Variants in FAP observed in about 807,000 individuals in gnomAD.
FAP encodes the protein fibroblast activation protein alpha.
In FAP, 110 loss-of-function variants were observed where a neutral mutation model predicts 126.5. The ratio of observed to expected loss-of-function variants is 0.87; its 90% CI spans 0.74 to 1.02. FAP has a LOEUF of 1.02. Among genes scored for constraint, FAP ranks in the 50% least tolerant of loss-of-function variants. The probability of loss-of-function intolerance (pLI) is 0.00; values close to 1 mark genes in which losing one functional copy is unlikely to be tolerated. For synonymous variants in FAP, 334 were observed against 297.3 expected, an observed-to-expected ratio of 1.12 and a Z score of -1.27; for missense variants, 919 against 909.2, an observed-to-expected ratio of 1.01 and a Z score of -0.14.
chr2:162,210,295 A>G (rs111662904), intron 11 of FAP, among the ~76,000 whole-genome samples: 5 of 152,344 alleles, frequency 3.3e-5, no homozygotes, highest in African/African-American at 9.6e-5. Flanking sequence ...GATGTGGTGT[A>G]GGTAAAACAG....
At chr2:162,217,032 C>T (rs1428076086) in intron 9 of FAP, among the ~76,000 whole-genome samples, 1 of 152,238 alleles carries the variant, frequency 6.6e-6, no homozygotes, top group Admixed American at 6.5e-5. Flanking sequence ...AATGTGAGGC[C>T]TGTCCCAAAC....
At chr2:162,177,086 C>T (rs778909637) in intron 21 of FAP, among the ~76,000 whole-genome samples, 9 of 152,104 alleles carry the variant, frequency 5.9e-5, no homozygotes, top group Non-Finnish European at 1.0e-4. Flanking sequence ...TCCTGCCCCC[C>T]CTCCATGAGT....
At chr2:162,207,231 G>A (rs1010282911) in intron 12 of FAP, among the ~76,000 whole-genome samples, 1 of 152,102 alleles carries the variant, frequency 6.6e-6, no homozygotes, top group Non-Finnish European at 1.5e-5. Context: ...TTTTTCAAAA[G>A]GCATGTCAGA....
chr2:162,242,072 T>A (rs1012219356), intron 2 of FAP, among the ~76,000 whole-genome samples: 6 of 152,208 alleles, frequency 3.9e-5, no homozygotes, highest in African/African-American at 1.4e-4. Flanking sequence ...AAACTTTTAG[T>A]ATTTATTAGT....
At chr2:162,236,550 G>T (rs1382103486) in intron 2 of FAP, among the ~76,000 whole-genome samples, 1 of 151,662 alleles carries the variant, frequency 6.6e-6, no homozygotes, top group South Asian at 2.1e-4. Context: ...TTGGTAGTTA[G>T]TATCTTTCTG....
At chr2:162,211,748 G>A (rs570551390) in intron 11 of FAP, among the ~76,000 whole-genome samples, 1 of 152,184 alleles carries the variant, frequency 6.6e-6, no homozygotes, top group African/African-American at 2.4e-5. Flanking sequence ...TATAAAAGAT[G>A]TTTCTTCCCC....
At chr2:162,201,593 C>A (rs1212086283) in intron 14 of FAP, among the ~76,000 whole-genome samples, 1 of 152,084 alleles carries the variant, frequency 6.6e-6, no homozygotes, top group African/African-American at 2.4e-5. Flanking sequence ...CCTCTCTAAC[C>A]CTTGCAGCCA....
At chr2:162,207,387 G>A (rs1559778682) in intron 12 of FAP, among the ~76,000 whole-genome samples, 1 of 152,170 alleles carries the variant, frequency 6.6e-6, no homozygotes, top group African/African-American at 2.4e-5. Context: ...TACATGTTAA[G>A]AGATTGAGAT....
At chr2:162,235,581 C>G (rs562623613) in intron 2 of FAP, among the ~76,000 whole-genome samples, 44 of 152,274 alleles carry the variant, frequency 2.9e-4, no homozygotes, top group Middle Eastern at 3.4e-3. Flanking sequence ...GGATTGTAAA[C>G]GCACCAATCA....
chr2:162,187,466 T>C (rs1415358293), intron 20 of FAP, among the ~76,000 whole-genome samples: 3 of 152,040 alleles, frequency 2.0e-5, no homozygotes, highest in African/African-American at 4.8e-5. Flanking sequence ...TATAGAGACA[T>C]GGCAAGAATT....
intron 25 of FAP, chr2:162,171,644 C>A: frequency 6.6e-6 from 1 of 152,192 alleles, no homozygotes; most frequent in East Asian, 1.9e-4. Flanking sequence ...GGAGAGATAC[C>A]ACTAAGATTA....
Position 162,200,701 on chromosome 2 carries a change from A to G in FAP, c.1224-82T>C. On this transcript the variant is annotated intron_variant, in intron 14 of 25. Transcript: ENST00000188790. ...TAGTATTAATACTAATATAGTATCA[A>G]TATAGGTAAGCATTTATCTAATGAA... The G allele has an allele frequency of 4.8e-6, 3 of 623,650 alleles. No individual in the cohort carries two copies. In the South Asian group the frequency reaches 6.4e-5, roughly 13 times the overall value. 38.6% of individuals were successfully genotyped at this position (623,650 alleles called of 1,614,324 possible).
chr2:162,225,640 A>C, intron 3 of FAP, 63 bp from the exon 4 acceptor site: 2 of 1,467,728 alleles, frequency 1.4e-6, no homozygotes, highest in East Asian at 2.4e-5. Context: ...CATTCCTAAC[A>C]AAAGAAACCT....
intron 9 of FAP, 79 bp from the exon 10 acceptor site, chr2:162,216,080 A>G (rs1489679440): frequency 7.6e-6 from 8 of 1,050,384 alleles, no homozygotes; most frequent in Non-Finnish European, 1.2e-5. Context: ...AGGAATTTAG[A>G]TATATTTTTC....
At chr2:162,226,715 G>A (rs889938951) in intron 2 of FAP, 94 bp from the exon 3 acceptor site, 2 of 663,602 alleles carry the variant, frequency 3.0e-6, no homozygotes, top group South Asian at 1.9e-5. Context: ...TTCTTATATA[G>A]TAATAAGATC....
At chr2:162,223,271 TA>T (rs1309681412) in intron 6 of FAP, among the ~76,000 whole-genome samples, 1 of 152,104 alleles carries the variant, frequency 6.6e-6, no homozygotes, top group Non-Finnish European at 1.5e-5. Flanking sequence ...GCCACTCTCC[TA>T]AAAATAGTGT....
In FAP at chr2:162,219,884, T is replaced by C. The variant is rs1315023027; in HGVS notation, c.455A>G (p.Tyr152Cys). The C allele has an allele frequency of 6.2e-7, 1 of 1,612,698 alleles. No individual in the cohort carries two copies. Among genetic ancestry groups the C allele is most frequent in the African/African-American group, 1.3e-5 (1 of 74,884 alleles). The change falls in exon 7 of 26, where the codon TAT becomes TGT. Residue 152 changes from tyrosine (Y) to cysteine (C), a missense_variant. By Grantham distance (194) the Tyr-to-Cys change is radical. Coordinates refer to ENST00000188790, the MANE Select transcript of FAP (RefSeq NM_004460.5). Reference protein sequence around the residue: ...RGNELPRPIQYLCWSPVGSKL... With the variant: ...RGNELPRPIQCLCWSPVGSKL... Reference sequence around the variant, plus strand: ...ACTCCCAACAGGCGACCAGCATAAATACTGAATTGGACGAGGAAGCTCATT... The same window carrying C: ...ACTCCCAACAGGCGACCAGCATAAACACTGAATTGGACGAGGAAGCTCATT...
intron 17 of FAP, among the ~76,000 whole-genome samples, chr2:162,192,649 G>A (rs778789188): frequency 2.0e-5 from 3 of 151,902 alleles, no homozygotes; most frequent in Non-Finnish European, 4.4e-5. Flanking sequence ...CTGATCTTCT[G>A]GCATCCAGAT....
At chr2:162,186,097 T>C (rs1687860645) in intron 20 of FAP, among the ~76,000 whole-genome samples, 1 of 152,150 alleles carries the variant, frequency 6.6e-6, no homozygotes, top group Non-Finnish European at 1.5e-5. Context: ...TTTTGTCCCT[T>C]CAGAGTGTAG....
Sources: allele counts gnomAD v4.1 joint callset (sites outside exome capture counted in the v4.1 genomes callset), GRCh38; gene constraint gnomAD v4.1.1; transcripts MANE v1.5; gene names NCBI Gene and HGNC (gene_info 2026-07-23, HGNC 2026-07-21).